BCAS3: variants seen among roughly 807,000 people sequenced by gnomAD.
The protein encoded by BCAS3 is BCAS3 microtubule associated cell migration factor, also known as BCAS4/BCAS3 fusion.
A neutral mutation model predicts 116.1 loss-of-function variants in BCAS3; 53 were observed. The ratio of observed to expected loss-of-function variants is 0.46; its 90% confidence interval spans 0.37 to 0.57. The LOEUF is 0.57. BCAS3 is among the 20% of genes least tolerant of loss of function. The pLI is 0.00. For synonymous variants in BCAS3, 391 were observed against 408.2 expected (o/e 0.96, Z 0.51); for missense variants, 917 against 1,165.4 (o/e 0.79, Z 3.10).
At position 61,281,847 on chromosome 17, in the gene BCAS3, T is replaced by C. The variant is rs1411207308; in HGVS notation, c.2426-86480T>C. On this transcript the variant is annotated intron_variant, in intron 22 of 23. Coordinates refer to ENST00000407086, the MANE Select transcript of BCAS3 (RefSeq NM_017679.5). This position sits in a 1 kb window ranked among gnomAD's most constrained non-coding sequence, Gnocchi z 4.2. ...ATATTAAGTATAGCTTTCTCATTTC[T>C]CTGTTTTTAAAAAAAATTCTTCGTT... 1.3e-5 allele frequency among the ~76,000 whole-genome samples: 2 copies of C among 152,160 alleles called. No individual in the cohort carries two copies. The highest frequency in any genetic ancestry group is 2.9e-5 in the Non-Finnish European group (2 of 68,036).
intron 16 of BCAS3, chr17:61,027,453 T>C (rs1472435990): frequency 9.4e-6 from 4 of 427,240 alleles, no homozygotes; most frequent in Admixed American, 8.1e-5. Context: ...AAATAATTTA[T>C]TATTTTGAAT....
At position 61,088,079 on chromosome 17, in the gene BCAS3, G is replaced by A. The variant is rs2073230144; in HGVS notation, c.2425+3515G>A. Among the ~76,000 whole-genome samples the A allele has an allele frequency of 6.6e-6, 1 of 152,192 alleles. No individual in the cohort carries two copies. Among genetic ancestry groups the A allele is most frequent in the African/African-American group, 2.4e-5 (1 of 41,428 alleles). Reference sequence around the variant, plus strand: ...TGGCTGTAATCCCAGCTACTCAGGAGGCTGAGGCACAAGAATTGCTTGAAC... The same window carrying A: ...TGGCTGTAATCCCAGCTACTCAGGAAGCTGAGGCACAAGAATTGCTTGAAC... On this transcript the variant is annotated intron_variant, in intron 22 of 23. Transcript: ENST00000407086. The surrounding 1 kb of genome is among the most constrained non-coding windows in gnomAD (Gnocchi z 4.2).
rs527643874 is a variant in BCAS3 at position 61,314,898 on chromosome 17, G to A, written c.2426-53429G>A. On this transcript the variant is annotated intron_variant, in intron 22 of 23. Transcript: ENST00000407086. ...GAGTGGATAATGCTCTTTACAGATC[G>A]GACTTGTCCAGGTTTCCTTTGTGAG... Among the ~76,000 whole-genome samples the A allele has an allele frequency of 7.2e-5, 11 of 152,166 alleles. No individual in the cohort carries two copies. The South Asian group carries it at 1.0e-3, about 14-fold the overall frequency.
intron 6 of BCAS3, among the ~76,000 whole-genome samples, chr17:60,760,782 C>T (rs899599502): frequency 6.6e-6 from 1 of 152,150 alleles, no homozygotes; most frequent in Non-Finnish European, 1.5e-5. Flanking sequence ...TTTCATCTAA[C>T]ATTTTGTTAA....
chr17:61,196,733 G>A lies in BCAS3; in HGVS notation c.2425+112169G>A, dbSNP rs2080501641. Among the ~76,000 whole-genome samples the A allele has an allele frequency of 6.6e-6, 1 of 152,240 alleles. No individual in the cohort carries two copies. The highest frequency in any genetic ancestry group is 6.5e-5 in the Admixed American group (1 of 15,284). ...AAATAAGTGAAGACTTTCTGAGACG[G>A]AAGGCTTGCATTTATCGGCATTCAT... On this transcript the variant is annotated intron_variant, in intron 22 of 23. Coordinates refer to ENST00000407086, the MANE Select transcript of BCAS3 (RefSeq NM_017679.5). The surrounding 1 kb of genome is among the most constrained non-coding windows in gnomAD (Gnocchi z 4.7).
rs1289311110 is a variant in BCAS3, at chr17:60,697,876, AAAG to A, written c.214+8119_214+8121del. Among the ~76,000 whole-genome samples, 4 of 152,220 alleles carry A rather than the reference AAAG, an allele frequency of 2.6e-5. No individual in the cohort carries two copies. In the South Asian group the frequency reaches 6.2e-4, roughly 24 times the overall value. ...TCAGATTTAGAGGTAGAATAAGAAA[AAAG>A]AAGCCAGTAAAGAAAATAGGCCGGG... is the stretch of plus-strand genomic sequence containing the variant. On this transcript the variant is annotated intron_variant, in intron 4 of 23. Coordinates refer to ENST00000407086, the MANE Select transcript of BCAS3 (RefSeq NM_017679.5).
intron 18 of BCAS3, among the ~76,000 whole-genome samples, chr17:61,039,399 A>C (rs1000645044): frequency 4.0e-5 from 6 of 151,496 alleles, no homozygotes; most frequent in African/African-American, 1.5e-4. Flanking sequence ...TGCTGTGAAC[A>C]TTCATGTACA....
In BCAS3 at chr17:61,279,973, G is replaced by A. The variant is rs2051103318; in HGVS notation, c.2426-88354G>A. Among the ~76,000 whole-genome samples the A allele has an allele frequency of 6.6e-6, 1 of 151,892 alleles. No homozygotes were observed. On this transcript the variant is annotated intron_variant, in intron 22 of 23. Transcript: ENST00000407086. The surrounding 1 kb of genome is among the most constrained non-coding windows in gnomAD (Gnocchi z 4.4). ...CTACATTAACTCTTTGTTTAGCTTGGCTCCAGAACCATAAGTACTTTCCTT... is the reference window on the plus strand; with the variant it reads ...CTACATTAACTCTTTGTTTAGCTTGACTCCAGAACCATAAGTACTTTCCTT...
chr17:61,002,131 T>C (rs2064284444), intron 15 of BCAS3, among the ~76,000 whole-genome samples: 1 of 152,146 alleles, frequency 6.6e-6, no homozygotes, highest in East Asian at 1.9e-4. Flanking sequence ...AAACCTGATA[T>C]TATATTGCCT....
At chr17:61,165,450 C>T (rs1301539549) in intron 22 of BCAS3, among the ~76,000 whole-genome samples, 4 of 152,216 alleles carry the variant, frequency 2.6e-5, no homozygotes, top group Non-Finnish European at 5.9e-5. Flanking sequence ...ATAATCCCAG[C>T]ACTTTGGGAG....
In BCAS3 at chr17:61,202,186, G is replaced by A. The variant is rs1356120920; in HGVS notation, c.2425+117622G>A. Among the ~76,000 whole-genome samples the A allele has an allele frequency of 1.7e-4, 23 of 137,240 alleles. No individual in the cohort carries two copies. In the East Asian group the frequency reaches 5.1e-3, roughly 31 times the overall value. 90.0% of individuals were successfully genotyped at this position (137,240 alleles called of 152,430 possible). On this transcript the variant is annotated intron_variant, in intron 22 of 23. Transcript: ENST00000407086. The stretch of plus-strand genomic sequence containing the variant: ...GGAGTCTCGCTCTGTCTCCCAGGTT[G>A]GAGTGCAGTGGTGTGATCTCAGCTC...
chr17:60,922,274 G>A (rs1183533407), intron 12 of BCAS3, among the ~76,000 whole-genome samples: 4 of 151,924 alleles, frequency 2.6e-5, no homozygotes, highest in African/African-American at 7.2e-5. Context: ...TTACAGGCAC[G>A]CGCCACCATG....
intron 12 of BCAS3, among the ~76,000 whole-genome samples, chr17:60,920,046 A>G (rs1251257416): frequency 6.6e-6 from 1 of 152,208 alleles, no homozygotes; most frequent in Non-Finnish European, 1.5e-5. Flanking sequence ...TCAGACCCAA[A>G]TTGCTTCAGA....
chr17:60,711,058 T>C (rs2037858560), intron 5 of BCAS3, among the ~76,000 whole-genome samples: 1 of 151,902 alleles, frequency 6.6e-6, no homozygotes, highest in African/African-American at 2.4e-5. Flanking sequence ...CTACTTGGCC[T>C]CCTAAAGTGT....
chr17:60,774,634 T>C (rs1229620883), intron 6 of BCAS3, among the ~76,000 whole-genome samples: 2 of 152,252 alleles, frequency 1.3e-5, no homozygotes, highest in Non-Finnish European at 2.9e-5. Context: ...CTCTTACTCT[T>C]TGTTAGGTAT....
Position 60,912,190 on chromosome 17 carries a change from A to T in BCAS3, c.993+1488A>T, listed in dbSNP as rs1599634875. Among the ~76,000 whole-genome samples, 3 of 152,268 alleles carry T rather than the reference A, an allele frequency of 2.0e-5. No individual in the cohort carries two copies. The South Asian group carries it at 6.2e-4, about 32-fold the overall frequency. On this transcript the variant is annotated intron_variant, in intron 12 of 23. Coordinates refer to ENST00000407086, the MANE Select transcript of BCAS3 (RefSeq NM_017679.5). The stretch of plus-strand genomic sequence containing the variant: ...TGTGTGATCATTGATATAAAAATAC[A>T]ATCTAGAATCAATTCCTAGAATGAG...
intron 2 of BCAS3, among the ~76,000 whole-genome samples, chr17:60,680,572 T>G (rs562711953): frequency 1.3e-5 from 2 of 152,324 alleles, no homozygotes; most frequent in South Asian, 4.1e-4. Flanking sequence ...TTTGGCATTC[T>G]TTGACAAAGA....
At chr17:60,902,592 T>C (rs746407887) in intron 10 of BCAS3, 28 bp from the exon 11 acceptor site, 1 of 1,546,826 alleles carries the variant, frequency 6.5e-7, no homozygotes, top group South Asian at 1.1e-5. Flanking sequence ...GAAATGACGT[T>C]CTGCTTCTCT....
chr17:60,797,768 GT>G (rs1337417334), intron 6 of BCAS3, among the ~76,000 whole-genome samples: 1 of 152,090 alleles, frequency 6.6e-6, no homozygotes, highest in East Asian at 1.9e-4. Context: ...ACACTTATCA[GT>G]GAGAACACGT....
Sources: allele counts gnomAD v4.1 joint callset (sites outside exome capture counted in the v4.1 genomes callset), GRCh38; gene constraint gnomAD v4.1.1; non-coding constraint Gnocchi (gnomAD v3.1); transcripts MANE v1.5; gene names NCBI Gene and HGNC (gene_info 2026-07-23, HGNC 2026-07-21).